Variants in PARVA observed in about 807,000 individuals in gnomAD.
PARVA encodes the protein parvin alpha.
PARVA carries 25 observed loss-of-function variants against 52.6 expected under a neutral mutation model. The ratio of observed to expected loss-of-function variants is 0.48; its 90% CI spans 0.35 to 0.66. The LOEUF is 0.66. Ranked by LOEUF, PARVA falls within the 30% of genes least tolerant of loss-of-function variation. The pLI is 0.01. For synonymous variants in PARVA, 185 were observed against 179.1 expected (o/e 1.03, Z -0.26); for missense variants, 373 against 450.9 (o/e 0.83, Z 1.56).
intron 1 of PARVA, among the ~76,000 whole-genome samples, chr11:12,409,491 G>A (rs1039715045): frequency 1.3e-5 from 2 of 152,166 alleles, no homozygotes; most frequent in East Asian, 3.9e-4. Flanking sequence ...GAGTTATCCA[G>A]GTGCACCGAA....
chr11:12,488,743 G>A (rs1337839637), intron 4 of PARVA, among the ~76,000 whole-genome samples: 2 of 152,160 alleles, frequency 1.3e-5, no homozygotes, highest in African/African-American at 4.8e-5. Context: ...ACAGATTTAA[G>A]GCTAGGATTC....
At position 12,531,596 on chromosome 11, in the gene PARVA, G is replaced by A. The variant is rs181641847; in HGVS notation, c.*3671G>A. Among the ~76,000 whole-genome samples, 816 of 151,840 alleles carry A rather than the reference G, an allele frequency of 5.4e-3. 11 individuals carry two copies. The highest frequency in any genetic ancestry group is 0.019 in the African/African-American group (778 of 41,348). ...AGTCGGTAGGTGAAACAGTTTTGCCGTGCCTAAGTGGAGGCTGATCAAAAC... is the reference window on the plus strand; with the variant it reads ...AGTCGGTAGGTGAAACAGTTTTGCCATGCCTAAGTGGAGGCTGATCAAAAC... On this transcript the variant is annotated 3_prime_UTR_variant, in exon 13 of 13. Coordinates refer to ENST00000334956, the MANE Select transcript of PARVA (RefSeq NM_018222.5).
upstream of PARVA, among the ~76,000 whole-genome samples, chr11:12,377,033 G>C (rs56151286): frequency 0.06 from 9,081 of 152,274 alleles, 471 homozygotes; most frequent in African/African-American, 0.14. Context: ...TCTTGGATGG[G>C]AGTAGAGACG....
At position 12,524,604 on chromosome 11, in the gene PARVA, T is replaced by C. The variant is rs953638690; in HGVS notation, c.1043-3245T>C. Among the ~76,000 whole-genome samples the C allele has an allele frequency of 3.3e-5, 5 of 152,338 alleles. No homozygotes were observed. In the East Asian group the frequency reaches 9.7e-4, roughly 29 times the overall value. On this transcript the variant is annotated intron_variant, in intron 12 of 12. Coordinates refer to ENST00000334956, the MANE Select transcript of PARVA (RefSeq NM_018222.5). ...ATTAACATTTTACCTCCACCTGCTC[T>C]TGGCCTTGCTCTCTCCCAAGTCACC...
rs57319661 is a variant in PARVA, at chr11:12,448,578, G to T, written c.137-25167G>T. Among the ~76,000 whole-genome samples the T allele has an allele frequency of 8.8e-3, 1,333 of 152,288 alleles. 20 individuals are homozygous for T. Among genetic ancestry groups the T allele is most frequent in the African/African-American group, 0.03 (1,264 of 41,560 alleles). ...AAGGCAGAACTTCAGTTATAAGAAC[G>T]TGAGTAATGGATTAGAACTGTCGTT... On this transcript the variant is annotated intron_variant, in intron 1 of 12. Transcript: ENST00000334956.
intron 5 of PARVA, among the ~76,000 whole-genome samples, chr11:12,503,645 G>A (rs1378839914): frequency 6.6e-6 from 1 of 152,038 alleles, no homozygotes; most frequent in Non-Finnish European, 1.5e-5. Flanking sequence ...AAGGCGGGAG[G>A]ATTGCTTGAG....
intron 3 of PARVA, chr11:12,477,349 C>T (rs1941028800): frequency 6.5e-6 from 1 of 154,972 alleles, no homozygotes; most frequent in Non-Finnish European, 1.4e-5. Flanking sequence ...CCCGCCTCGA[C>T]CTCCCAAAGT....
intron 1 of PARVA, among the ~76,000 whole-genome samples, chr11:12,396,970 C>G (rs868391260): frequency 1.9e-4 from 25 of 135,084 alleles, no homozygotes; most frequent in Admixed American, 1.1e-3. Flanking sequence ...CTTTCCTTTC[C>G]TTTCCTTTCA....
chr11:12,387,049 C>T (rs1939583082), intron 1 of PARVA, among the ~76,000 whole-genome samples: 1 of 152,218 alleles, frequency 6.6e-6, no homozygotes, highest in Non-Finnish European at 1.5e-5. Context: ...GCCATGAGTC[C>T]AGGAGAAGAG....
chr11:12,530,226 C>G lies in PARVA; in HGVS notation c.*2301C>G, dbSNP rs1375524221. 1 of 152,128 alleles carries G rather than the reference C, an allele frequency of 6.6e-6. No homozygotes were observed. The highest frequency in any genetic ancestry group is 1.9e-4 in the East Asian group (1 of 5,190). 9.4% of individuals were successfully genotyped at this position (152,128 alleles called of 1,614,324 possible). ...TGTTTTGGGATTGAGTTCTTTGTCT[C>G]AGCCCAGAATCCCAGGTCCTGGGCC... On this transcript the variant is annotated 3_prime_UTR_variant, in exon 13 of 13. Coordinates refer to ENST00000334956, the MANE Select transcript of PARVA (RefSeq NM_018222.5).
intron 1 of PARVA, among the ~76,000 whole-genome samples, chr11:12,434,085 G>A (rs150784443): frequency 7.9e-5 from 12 of 152,318 alleles, no homozygotes; most frequent in Admixed American, 4.6e-4. Context: ...TATGTTCTAC[G>A]TGTTCATAAA....
intron 1 of PARVA, 85 bp downstream of exon 1, chr11:12,377,868 G>A: frequency 1.0e-6 from 1 of 991,948 alleles, no homozygotes; most frequent in South Asian, 4.5e-5. Context: ...GGACCGGGCG[G>A]GAGCGCGCCG....
intron 4 of PARVA, among the ~76,000 whole-genome samples, chr11:12,494,497 C>A (rs1941272757): frequency 2.0e-5 from 3 of 152,130 alleles, no homozygotes; most frequent in African/African-American, 7.2e-5. Flanking sequence ...TTACCTTAAT[C>A]ATTTCAGAGC....
At chr11:12,520,437 A>C (rs1278885124) in intron 12 of PARVA, among the ~76,000 whole-genome samples, 1 of 152,220 alleles carries the variant, frequency 6.6e-6, no homozygotes, top group East Asian at 1.9e-4. Context: ...TCAAAATCAA[A>C]CTGGTTGTGG....
chr11:12,509,756 G>T (rs753259299), intron 7 of PARVA, among the ~76,000 whole-genome samples: 30 of 152,318 alleles, frequency 2.0e-4, no homozygotes, highest in Middle Eastern at 3.4e-3. Flanking sequence ...TCAGAGGCCA[G>T]TCTTGGTAGC....
intron 1 of PARVA, among the ~76,000 whole-genome samples, chr11:12,435,002 A>G (rs900310870): frequency 6.6e-6 from 1 of 152,086 alleles, no homozygotes; most frequent in Non-Finnish European, 1.5e-5. Flanking sequence ...TATTCACCAA[A>G]TGTCTTGAAA....
chr11:12,472,745 T>C (rs1371704213), intron 1 of PARVA, among the ~76,000 whole-genome samples: 1 of 152,168 alleles, frequency 6.6e-6, no homozygotes, highest in African/African-American at 2.4e-5. Flanking sequence ...TTGCAGCTGC[T>C]GTATTAGCTC....
chr11:12,489,233 A>T (rs1420043239), intron 4 of PARVA, among the ~76,000 whole-genome samples: 2 of 152,128 alleles, frequency 1.3e-5, no homozygotes, highest in East Asian at 3.8e-4. Context: ...TAATATGTCA[A>T]AATAAATGTT....
intron 1 of PARVA, among the ~76,000 whole-genome samples, chr11:12,472,278 G>A (rs1940944812): frequency 6.6e-6 from 1 of 152,210 alleles, no homozygotes; most frequent in African/African-American, 2.4e-5. Flanking sequence ...ATGAATTTGT[G>A]TTGGGCTGCA....
Sources: allele counts gnomAD v4.1 joint callset (sites outside exome capture counted in the v4.1 genomes callset), GRCh38; gene constraint gnomAD v4.1.1; transcripts MANE v1.5; gene names NCBI Gene and HGNC (gene_info 2026-07-23, HGNC 2026-07-21).